The following CAMKMT variants were observed in gnomAD, a reference collection of about 807,000 sequenced individuals.
CAMKMT encodes calmodulin-lysine N-methyltransferase.
In CAMKMT, 53 loss-of-function variants were observed where a neutral mutation model predicts 48.0. That is an observed-to-expected ratio of 1.10 (90% CI 0.89 to 1.39). CAMKMT has a LOEUF of 1.39. Ranked by LOEUF, CAMKMT falls within the 40% of genes most tolerant of loss-of-function variation. The probability of loss-of-function intolerance (pLI) is 0.00; values close to 1 mark genes in which losing one functional copy is unlikely to be tolerated. For synonymous variants in CAMKMT, 165 were observed against 152.3 expected, an observed-to-expected ratio of 1.08 and a Z score of -0.61; for missense variants, 428 against 402.7, an observed-to-expected ratio of 1.06 and a Z score of -0.54.
intron 2 of CAMKMT, among the ~76,000 whole-genome samples, chr2:44,382,862 A>T (rs1478345573): frequency 1.3e-5 from 2 of 152,206 alleles, no homozygotes; most frequent in Non-Finnish European, 2.9e-5. Flanking sequence ...TTTTATGGAA[A>T]GGGTAATACA....
chr2:44,635,335 A>G (rs1673065805), intron 3 of CAMKMT, among the ~76,000 whole-genome samples: 1 of 152,218 alleles, frequency 6.6e-6, no homozygotes, highest in Non-Finnish European at 1.5e-5. Flanking sequence ...ACTGGCCTCC[A>G]AAGTTTTCTG....
chr2:44,377,470 G>A (rs1224954710), intron 2 of CAMKMT, among the ~76,000 whole-genome samples: 1 of 152,084 alleles, frequency 6.6e-6, no homozygotes, highest in Non-Finnish European at 1.5e-5. Context: ...TATAAAGCTT[G>A]CTGTGTAGAT....
intron 3 of CAMKMT, among the ~76,000 whole-genome samples, chr2:44,416,798 C>T (rs946831044): frequency 6.6e-6 from 1 of 151,872 alleles, no homozygotes; most frequent in African/African-American, 2.4e-5. Flanking sequence ...TGGTCTCTAA[C>T]TCCTAACCTC....
intron 7 of CAMKMT, among the ~76,000 whole-genome samples, chr2:44,725,506 C>G (rs1230296332): frequency 3.9e-5 from 6 of 152,138 alleles, no homozygotes; most frequent in Non-Finnish European, 7.3e-5. Flanking sequence ...ATTGAGTTAA[C>G]CATGCTATGT....
At position 44,595,958 on chromosome 2, in the gene CAMKMT, G is replaced by C. The variant is rs540108003; in HGVS notation, c.377-108325G>C. On this transcript the variant is annotated intron_variant, in intron 3 of 10. Coordinates refer to ENST00000378494, the MANE Select transcript of CAMKMT (RefSeq NM_024766.5). ...ATGAGAACACATGAACATGGGGCTG[G>C]GGGGGCATCACACACTGGGGCCTGA... Among the ~76,000 whole-genome samples, 9 of 151,856 alleles carry C rather than the reference G, an allele frequency of 5.9e-5. No homozygotes were observed. In the East Asian group the frequency reaches 1.6e-3, roughly 26 times the overall value.
At chr2:44,465,366 G>A (rs1250760375) in intron 3 of CAMKMT, among the ~76,000 whole-genome samples, 1 of 152,196 alleles carries the variant, frequency 6.6e-6, no homozygotes, top group African/African-American at 2.4e-5. Context: ...GGTAGGCCAA[G>A]GCAGGTAGAT....
At chr2:44,522,410 C>G (rs1358374536) in intron 3 of CAMKMT, among the ~76,000 whole-genome samples, 4 of 152,148 alleles carry the variant, frequency 2.6e-5, no homozygotes, top group Non-Finnish European at 5.9e-5. Flanking sequence ...TCACATTAGA[C>G]AAAAGCCACA....
Position 44,766,557 on chromosome 2 carries a change from C to T in CAMKMT, c.890C>T (p.Ser297Phe). 6.2e-7 allele frequency: 1 copy of T among 1,613,790 alleles called. No homozygotes were observed. The change falls in exon 10 of 11, where the codon TCC becomes TTC. Residue 297 changes from serine (S) to phenylalanine (F), a missense_variant. Ser to Phe is a radical substitution (Grantham distance 155). Coordinates refer to ENST00000378494, the MANE Select transcript of CAMKMT (RefSeq NM_024766.5). ...NYDEHISNFH[S>F]KLKKENPDIY... is the part of the protein sequence containing the mutation. ...GATGAACACATTTCAAACTTCCACTCCAAGGTTAGTTTTCTGCTTGTGTTA... is the reference window on the plus strand; with the variant it reads ...GATGAACACATTTCAAACTTCCACTTCAAGGTTAGTTTTCTGCTTGTGTTA...
chr2:44,398,615 T>C (rs954597431), intron 3 of CAMKMT, among the ~76,000 whole-genome samples: 3 of 150,006 alleles, frequency 2.0e-5, no homozygotes, highest in Admixed American at 6.7e-5. Flanking sequence ...GATAATACAA[T>C]AGTAATAACA....
At chr2:44,427,750 C>T (rs1067368) in intron 3 of CAMKMT, among the ~76,000 whole-genome samples, 111,465 of 152,012 alleles carry the variant, frequency 0.73, 41,668 homozygotes, top group African/African-American at 0.83. Context: ...CAAAATATAC[C>T]AGATTTGTAT....
At position 44,681,443 on chromosome 2, in the gene CAMKMT, A is replaced by G. The variant is rs535807572; in HGVS notation, c.377-22840A>G. On this transcript the variant is annotated intron_variant, in intron 3 of 10. Coordinates refer to ENST00000378494, the MANE Select transcript of CAMKMT (RefSeq NM_024766.5). Reference sequence around the variant, plus strand: ...ATTAATGCAGATTTTAACATTCTCAATGAACCACTTATCCAGTGTGATTCG... The same window carrying G: ...ATTAATGCAGATTTTAACATTCTCAGTGAACCACTTATCCAGTGTGATTCG... 1.1e-4 allele frequency among the ~76,000 whole-genome samples: 17 copies of G among 152,230 alleles called. No homozygotes were observed. In the East Asian group the frequency reaches 1.2e-3, roughly 10 times the overall value.
In CAMKMT at chr2:44,766,495, A is replaced by G. The variant is rs1680847493; in HGVS notation, c.828A>G (p.Glu276=). 6.2e-7 allele frequency: 1 copy of G among 1,614,192 alleles called. No individual in the cohort carries two copies. The highest frequency in any genetic ancestry group is 8.5e-7 in the Non-Finnish European group (1 of 1,180,008). Residue 276 remains glutamate, a synonymous_variant, in exon 10 of 11, where the codon GAA becomes GAG. Coordinates refer to ENST00000378494, the MANE Select transcript of CAMKMT (RefSeq NM_024766.5). ...TAAACCAGTTTTGCAATCTAGCTGA[A>G]AAAGCTGGTTTCTGTATCCAAAGAC... ...NTLNQFCNLA[E]KAGFCIQRHE...
rs575964257 is a variant in CAMKMT, at chr2:44,705,297, T to C, written c.437+954T>C. On this transcript the variant is annotated intron_variant, in intron 4 of 10. Coordinates refer to ENST00000378494, the MANE Select transcript of CAMKMT (RefSeq NM_024766.5). ...CCCACCTCTCCCTCTCTTTTAATTT[T>C]GCTTTTTTTCTCCTCTTGAGGTAAT... 56 of 955,274 alleles carry C rather than the reference T, an allele frequency of 5.9e-5. No homozygotes were observed. The African/African-American group carries it at 9.2e-4, about 16-fold the overall frequency. 59.2% of individuals were successfully genotyped at this position (955,274 alleles called of 1,614,324 possible). A position where few individuals can be genotyped will look rare whatever the true frequency, so the allele number is the denominator to read the frequency against.
At chr2:44,546,270 C>A (rs1667399414) in intron 3 of CAMKMT, among the ~76,000 whole-genome samples, 1 of 151,728 alleles carries the variant, frequency 6.6e-6, no homozygotes, top group African/African-American at 2.4e-5. Context: ...GCCCTAAAAT[C>A]TCCTTCTTAG....
chr2:44,491,632 A>G (rs140299742), intron 3 of CAMKMT, among the ~76,000 whole-genome samples: 131 of 152,340 alleles, frequency 8.6e-4, no homozygotes, highest in African/African-American at 2.8e-3. Context: ...ACACTGCACT[A>G]TGATAAATGC....
intron 9 of CAMKMT, among the ~76,000 whole-genome samples, chr2:44,755,626 A>G (rs1263628843): frequency 6.6e-6 from 1 of 152,126 alleles, no homozygotes; most frequent in Non-Finnish European, 1.5e-5. Context: ...TCTATTGTAA[A>G]TCATTCGCAT....
chr2:44,520,017 C>T (rs1240150491), intron 3 of CAMKMT, among the ~76,000 whole-genome samples: 2 of 150,930 alleles, frequency 1.3e-5, no homozygotes, highest in Non-Finnish European at 2.9e-5. Context: ...CGAAACCATC[C>T]TGGCTAACAC....
chr2:44,584,389 A>G (rs1669733992), intron 3 of CAMKMT, among the ~76,000 whole-genome samples: 2 of 152,222 alleles, frequency 1.3e-5, no homozygotes, highest in African/African-American at 4.8e-5. Flanking sequence ...TTCACCACAT[A>G]TGAATAGTGT....
At chr2:44,728,934 G>C (rs1001791116) in intron 7 of CAMKMT, among the ~76,000 whole-genome samples, 2 of 147,284 alleles carry the variant, frequency 1.4e-5, no homozygotes, top group Non-Finnish European at 3.0e-5. Flanking sequence ...TGGTTAGAAG[G>C]GTGTTTGCCT....
Sources: gnomAD v4.1 joint callset for allele counts (sites outside exome capture counted in the v4.1 genomes callset) on GRCh38, gnomAD v4.1.1 for gene constraint, MANE v1.5 for transcripts, NCBI Gene and HGNC (gene_info 2026-07-23, HGNC 2026-07-21) for gene names.